Variants in PLPP3 observed in about 807,000 individuals in gnomAD.
PLPP3 encodes the protein PAP2 beta.
Under a neutral mutation model 29.6 loss-of-function variants are expected in PLPP3, and 6 were observed. That is an observed-to-expected ratio of 0.20 (90% CI 0.11 to 0.40). PLPP3 has a LOEUF of 0.40. PLPP3 is among the 10% of genes least tolerant of loss of function. The pLI, the probability that PLPP3 is intolerant of heterozygous loss-of-function variation, is 1.00. For synonymous variants in PLPP3, 152 were observed against 159.7 expected (o/e 0.95, Z 0.36); for missense variants, 308 against 407.7 (o/e 0.76, Z 2.11).
At chr1:56,517,225 C>T (rs1457078259) in intron 4 of PLPP3, among the ~76,000 whole-genome samples, 1 of 152,252 alleles carries the variant, frequency 6.6e-6, no homozygotes, top group African/African-American at 2.4e-5. Flanking sequence ...AGACCACTGA[C>T]ACCCAGTGAG....
intron 2 of PLPP3, among the ~76,000 whole-genome samples, chr1:56,526,769 C>T (rs1212289377): frequency 1.3e-5 from 2 of 152,152 alleles, no homozygotes; most frequent in Admixed American, 6.5e-5. Context: ...TCCTGGGCTA[C>T]GTCCACCATC....
At chr1:56,531,129 AATG>A (rs1645885387) in intron 2 of PLPP3, among the ~76,000 whole-genome samples, 1 of 152,156 alleles carries the variant, frequency 6.6e-6, no homozygotes, top group Admixed American at 6.5e-5. Flanking sequence ...CTCAGTGAAT[AATG>A]ATGATGATGA....
intron 1 of PLPP3, among the ~76,000 whole-genome samples, chr1:56,574,679 T>C (rs1361876919): frequency 2.0e-5 from 3 of 152,226 alleles, no homozygotes; most frequent in Non-Finnish European, 2.9e-5. Context: ...AAAAATCTAG[T>C]CAGTTTCTCA....
chr1:56,522,511 CA>C (rs200415324), intron 4 of PLPP3, among the ~76,000 whole-genome samples: 2 of 149,892 alleles, frequency 1.3e-5, no homozygotes, highest in African/African-American at 4.9e-5. Flanking sequence ...AAGAGCAAAA[CA>C]AAAAAAAAGA....
chr1:56,498,385 C>G (rs575603215), intron 5 of PLPP3, among the ~76,000 whole-genome samples: 19 of 152,298 alleles, frequency 1.2e-4, no homozygotes, highest in African/African-American at 4.6e-4. Context: ...AGGAAACAGA[C>G]TCGATTAAAG....
At chr1:56,500,436 TAAG>T (rs1226511912) in intron 5 of PLPP3, among the ~76,000 whole-genome samples, 1 of 152,072 alleles carries the variant, frequency 6.6e-6, no homozygotes, top group Non-Finnish European at 1.5e-5. Context: ...CTTTGAAGGA[TAAG>T]GAGGAGTTAA....
chr1:56,516,908 TCTC>T (rs1373277332), intron 4 of PLPP3: 5 of 152,204 alleles, frequency 3.3e-5, no homozygotes, highest in Admixed American at 1.3e-4. Flanking sequence ...GCAGTTCTCT[TCTC>T]CTTCTTTGTC....
intron 2 of PLPP3, among the ~76,000 whole-genome samples, chr1:56,529,760 T>C (rs1369569885): frequency 6.6e-6 from 1 of 152,182 alleles, no homozygotes; most frequent in Non-Finnish European, 1.5e-5. Flanking sequence ...TCAGCCTTTT[T>C]CAGAAGATCA....
intron 1 of PLPP3, among the ~76,000 whole-genome samples, chr1:56,555,448 A>AAAAC (rs1646069383): frequency 6.8e-6 from 1 of 147,112 alleles, no homozygotes; most frequent in African/African-American, 2.5e-5. Flanking sequence ...AAAAAAAAAA[A>AAAAC]AAAAAAAAAA....
chr1:56,572,952 A>G (rs1408915237), intron 1 of PLPP3, among the ~76,000 whole-genome samples: 1 of 152,208 alleles, frequency 6.6e-6, no homozygotes, highest in East Asian at 1.9e-4. Flanking sequence ...CCAAAATTAC[A>G]TGCTGGCAAA....
intron 5 of PLPP3, among the ~76,000 whole-genome samples, chr1:56,499,566 T>C (rs1336706152): frequency 6.6e-6 from 1 of 152,152 alleles, no homozygotes; most frequent in Non-Finnish European, 1.5e-5. Flanking sequence ...ACAATACAAC[T>C]CCTACAGACT....
At chr1:56,529,354 A>G (rs1041829728) in intron 2 of PLPP3, among the ~76,000 whole-genome samples, 9 of 152,090 alleles carry the variant, frequency 5.9e-5, no homozygotes, top group African/African-American at 2.2e-4. Context: ...CTCCAGAGAG[A>G]CATATGTTCA....
chr1:56,548,554 C>T (rs1169514965), intron 1 of PLPP3, among the ~76,000 whole-genome samples: 1 of 152,168 alleles, frequency 6.6e-6, no homozygotes, highest in Non-Finnish European at 1.5e-5. Context: ...TTCCAAATGG[C>T]AATGGGTGGC....
intron 1 of PLPP3, among the ~76,000 whole-genome samples, chr1:56,556,926 AAG>A (rs777875866): frequency 5.1e-4 from 64 of 124,348 alleles, no homozygotes; most frequent in South Asian, 7.6e-4. Context: ...GGGAGAAAGA[AAG>A]AGAGAGAGAG....
intron 1 of PLPP3, among the ~76,000 whole-genome samples, chr1:56,569,551 C>T (rs1185115014): frequency 6.6e-6 from 1 of 152,094 alleles, no homozygotes; most frequent in Non-Finnish European, 1.5e-5. Flanking sequence ...TGTGGAGTTA[C>T]CATAGGACCC....
chr1:56,527,267 C>A (rs1359157074), intron 2 of PLPP3, among the ~76,000 whole-genome samples: 1 of 152,176 alleles, frequency 6.6e-6, no homozygotes, highest in Non-Finnish European at 1.5e-5. Flanking sequence ...TGCAGTACCT[C>A]AAATTCCTAA....
rs993162732 is a variant in PLPP3 at position 56,495,365 on chromosome 1, G to A, written c.*1186C>T. ...GACCTTGCATGGAAGGACACTTACG[G>A]ATAGAGGATGAGGGAAACTCTCTAC... On this transcript the variant is annotated 3_prime_UTR_variant, in exon 6 of 6. Transcript: ENST00000371250. The A allele has an allele frequency of 6.6e-6, 1 of 152,598 alleles. No individual in the cohort carries two copies. Among genetic ancestry groups the A allele is most frequent in the African/African-American group, 2.4e-5 (1 of 41,426 alleles). The allele number at this position is 152,598 out of a possible 1,614,324, so 9.5% of individuals were successfully genotyped here. A position where few individuals can be genotyped will look rare whatever the true frequency, so the allele number is the denominator to read the frequency against.
At chr1:56,506,443 T>C (rs916012735) in intron 5 of PLPP3, among the ~76,000 whole-genome samples, 13 of 152,136 alleles carry the variant, frequency 8.5e-5, no homozygotes, top group Non-Finnish European at 1.6e-4. Context: ...TGGAGGAAGA[T>C]AGCAGCACAC....
Position 56,523,042 on chromosome 1 carries a change from C to T in PLPP3, c.633+781G>A, listed in dbSNP as rs528315680. On this transcript the variant is annotated intron_variant, in intron 4 of 5. Transcript: ENST00000371250. ...ACGGCCATGAGAAGAGCATGGGAAT[C>T]AAATCATGGTTCTACTACTGGTTGA... 3.9e-5 allele frequency among the ~76,000 whole-genome samples: 6 copies of T among 152,274 alleles called. No homozygotes were observed. The South Asian group carries it at 8.3e-4, about 21-fold the overall frequency.
Sources: gnomAD v4.1 joint callset for allele counts (sites outside exome capture counted in the v4.1 genomes callset) on GRCh38, gnomAD v4.1.1 for gene constraint, MANE v1.5 for transcripts, NCBI Gene and HGNC (gene_info 2026-07-23, HGNC 2026-07-21) for gene names.